The following NPSR1 variants were observed in gnomAD, a reference collection of about 807,000 sequenced individuals.
NPSR1 encodes the protein neuropeptide S receptor 1.
In NPSR1, 48 loss-of-function variants were observed where a neutral mutation model predicts 46.9. The ratio of observed to expected loss-of-function variants is 1.02; its 90% CI spans 0.81 to 1.30. NPSR1 has a LOEUF of 1.30. Among genes scored for constraint, NPSR1 ranks in the 50% most tolerant of loss-of-function variants. The pLI is 0.00. For missense variants in NPSR1, 450 were observed against 449.5 expected (o/e 1.00, Z -0.01); for synonymous variants, 176 against 168.1 (o/e 1.05, Z -0.36).
chr7:34,699,893 G>A (rs938640973), intron 2 of NPSR1, among the ~76,000 whole-genome samples: 2 of 152,114 alleles, frequency 1.3e-5, no homozygotes, highest in African/African-American at 2.4e-5. Flanking sequence ...GAGATAATAG[G>A]AGCTTCATAT....
At chr7:34,811,467 T>A (rs1788982670) in intron 3 of NPSR1, among the ~76,000 whole-genome samples, 1 of 152,064 alleles carries the variant, frequency 6.6e-6, no homozygotes, top group Admixed American at 6.5e-5. Flanking sequence ...GGGTACAGGA[T>A]AGGGGCATGT....
chr7:34,790,358 G>A (rs891888060), intron 3 of NPSR1, among the ~76,000 whole-genome samples: 2 of 151,996 alleles, frequency 1.3e-5, no homozygotes, highest in African/African-American at 4.8e-5. Flanking sequence ...ATTAGGTACA[G>A]AAGAGAAGTG....
intron 1 of NPSR1, among the ~76,000 whole-genome samples, chr7:34,674,380 A>G (rs1329641975): frequency 6.6e-6 from 1 of 152,200 alleles, no homozygotes; most frequent in East Asian, 1.9e-4. Context: ...TCTGTGTTAC[A>G]CTGTGACTGA....
At chr7:34,848,430 G>A (rs1790815808) in intron 7 of NPSR1, 53 bp from the exon 8 acceptor site, 21 of 1,543,866 alleles carry the variant, frequency 1.4e-5, no homozygotes, top group Middle Eastern at 1.7e-4. Context: ...CCAACCAAAA[G>A]AGACCCCTCA....
At chr7:34,758,386 G>A (rs1785986506) in intron 2 of NPSR1, 1 of 152,144 alleles carries the variant, frequency 6.6e-6, no homozygotes, top group Admixed American at 6.5e-5. Context: ...AGCTTACCAG[G>A]AAAGCCTATA....
chr7:34,692,105 G>T (rs1012370888), intron 2 of NPSR1, among the ~76,000 whole-genome samples: 6 of 152,098 alleles, frequency 3.9e-5, no homozygotes, highest in African/African-American at 1.4e-4. Context: ...CTGGGCAAAA[G>T]AGTGAGACCC....
chr7:34,737,256 C>T (rs758398038), intron 2 of NPSR1, among the ~76,000 whole-genome samples: 12 of 152,160 alleles, frequency 7.9e-5, no homozygotes, highest in African/African-American at 1.4e-4. Flanking sequence ...TCTAGATCTT[C>T]GCTCCAAAAA....
Position 34,814,584 on chromosome 7 carries a change from C to T in NPSR1, c.478+2721C>T, listed in dbSNP as rs188328375. On this transcript the variant is annotated intron_variant, in intron 4 of 8. Transcript: ENST00000360581. Reference sequence around the variant, plus strand: ...TTGAGCTCTGAGAATGGACAGACTGCCTCCTCAAGTGGGTCCCTGACACCT... The same window carrying T: ...TTGAGCTCTGAGAATGGACAGACTGTCTCCTCAAGTGGGTCCCTGACACCT... Among the ~76,000 whole-genome samples the T allele has an allele frequency of 4.6e-5, 7 of 152,324 alleles. No individual in the cohort carries two copies. The East Asian group carries it at 1.4e-3, about 29-fold the overall frequency.
At chr7:34,813,359 C>A (rs939901105) in intron 4 of NPSR1, among the ~76,000 whole-genome samples, 1 of 152,096 alleles carries the variant, frequency 6.6e-6, no homozygotes, top group African/African-American at 2.4e-5. Flanking sequence ...GTAAGGCAAT[C>A]GTTGTTCCAA....
At chr7:34,814,557 G>A (rs906095982) in intron 4 of NPSR1, among the ~76,000 whole-genome samples, 11 of 152,348 alleles carry the variant, frequency 7.2e-5, no homozygotes, top group East Asian at 3.9e-4. Flanking sequence ...CCAGCATGGC[G>A]TTTGAGCTCT....
chr7:34,718,021 T>C (rs1242941805), intron 2 of NPSR1, among the ~76,000 whole-genome samples: 1 of 152,214 alleles, frequency 6.6e-6, no homozygotes, highest in Non-Finnish European at 1.5e-5. Context: ...TGACATATTT[T>C]AGGGCAGCAG....
chr7:34,692,643 A>C (rs1398612404), intron 2 of NPSR1, among the ~76,000 whole-genome samples: 1 of 152,214 alleles, frequency 6.6e-6, no homozygotes, highest in East Asian at 1.9e-4. Context: ...TCTAAGGAAC[A>C]AGGAAAGCGA....
At chr7:34,752,933 C>T (rs1785615577) in intron 2 of NPSR1, among the ~76,000 whole-genome samples, 1 of 152,170 alleles carries the variant, frequency 6.6e-6, no homozygotes, top group African/African-American at 2.4e-5. Flanking sequence ...AATCATCCCT[C>T]TTTTGGACAA....
intron 8 of NPSR1, among the ~76,000 whole-genome samples, chr7:34,862,702 A>G (rs1429504139): frequency 6.6e-6 from 1 of 151,722 alleles, no homozygotes; most frequent in Non-Finnish European, 1.5e-5. Context: ...GTGCAAATCC[A>G]TTGCTTATTC....
At chr7:34,795,173 A>G (rs1788117142) in intron 3 of NPSR1, among the ~76,000 whole-genome samples, 1 of 152,244 alleles carries the variant, frequency 6.6e-6, no homozygotes, top group African/African-American at 2.4e-5. Flanking sequence ...TCACAAGATT[A>G]TAACAACAGA....
rs900587204 is a variant in NPSR1 at position 34,828,112 on chromosome 7, C to G, written c.680+510C>G. On this transcript the variant is annotated intron_variant, in intron 5 of 8. Transcript: ENST00000360581. ...AACTGAACACAAAACTCAGTATGCA[C>G]TAATATGCTAAACTGTCTATGCAGT... Among the ~76,000 whole-genome samples the G allele has an allele frequency of 3.3e-5, 5 of 152,258 alleles. No individual in the cohort carries two copies. The South Asian group carries it at 6.2e-4, about 19-fold the overall frequency.
chr7:34,686,503 G>A (rs1373261329), intron 2 of NPSR1, among the ~76,000 whole-genome samples: 2 of 152,032 alleles, frequency 1.3e-5, no homozygotes, highest in Non-Finnish European at 2.9e-5. Context: ...TCAACTGAGG[G>A]GCCCTGTGCT....
chr7:34,807,620 T>A (rs1434516295), intron 3 of NPSR1, among the ~76,000 whole-genome samples: 1 of 152,172 alleles, frequency 6.6e-6, no homozygotes, highest in Non-Finnish European at 1.5e-5. Flanking sequence ...CACACTTAGA[T>A]ATCTAAGTGA....
chr7:34,771,795 T>A (rs1786697816), intron 2 of NPSR1, among the ~76,000 whole-genome samples: 1 of 152,232 alleles, frequency 6.6e-6, no homozygotes, highest in African/African-American at 2.4e-5. Flanking sequence ...ATTTTGTTCA[T>A]CTATAAAATG....
Sources: gnomAD v4.1 joint callset for allele counts (sites outside exome capture counted in the v4.1 genomes callset) on GRCh38, gnomAD v4.1.1 for gene constraint, MANE v1.5 for transcripts, NCBI Gene and HGNC (gene_info 2026-07-23, HGNC 2026-07-21) for gene names.